The following PRKCZ variants were observed in gnomAD, a reference collection of about 807,000 sequenced individuals.
PRKCZ encodes the protein protein kinase C zeta.
PRKCZ carries 33 observed loss-of-function variants against 79.5 expected under a neutral mutation model. The ratio of observed to expected loss-of-function variants is 0.41; its 90% CI spans 0.31 to 0.55. PRKCZ has a LOEUF of 0.55. PRKCZ is among the 20% of genes least tolerant of loss of function. The pLI, the probability that PRKCZ is intolerant of heterozygous loss-of-function variation, is 0.19. For missense variants in PRKCZ, 578 were observed against 813.5 expected (o/e 0.71, Z 3.52); for synonymous variants, 342 against 320.9 (o/e 1.07, Z -0.70).
At chr1:2,077,144 T>C (rs1318608659) in intron 4 of PRKCZ, among the ~76,000 whole-genome samples, 4 of 152,166 alleles carry the variant, frequency 2.6e-5, no homozygotes, top group African/African-American at 4.8e-5. Context: ...GTCTGACGGG[T>C]GTGAGGGTGC....
rs768206691 is a variant in PRKCZ at position 2,185,029 on chromosome 1, G to T, written c.*20G>T. ...GTGTGAGGCCGCGTGCGTCTCTGTC[G>T]TGGACACGCGTGATTGACCCTTTAA... On this transcript the variant is annotated 3_prime_UTR_variant, in exon 18 of 18. Coordinates refer to ENST00000378567, the MANE Select transcript of PRKCZ (RefSeq NM_002744.6). 19 of 1,585,534 alleles carry T rather than the reference G, an allele frequency of 1.2e-5. No individual in the cohort carries two copies. In the East Asian group the frequency reaches 4.3e-4, roughly 36 times the overall value.
At chr1:2,099,823 C>T (rs768684809) in intron 4 of PRKCZ, among the ~76,000 whole-genome samples, 16 of 152,162 alleles carry the variant, frequency 1.1e-4, no homozygotes, top group Admixed American at 2.6e-4. Flanking sequence ...GTCATTAGTC[C>T]GTGTCGTGCT....
intron 4 of PRKCZ, among the ~76,000 whole-genome samples, chr1:2,076,671 G>A (rs1198608778): frequency 6.6e-6 from 1 of 151,756 alleles, no homozygotes; most frequent in East Asian, 1.9e-4. Context: ...GAATCCGGGA[G>A]GCAGAGGTCA....
chr1:2,110,840 G>T (rs758420057), intron 4 of PRKCZ, among the ~76,000 whole-genome samples: 17 of 152,074 alleles, frequency 1.1e-4, no homozygotes, highest in Non-Finnish European at 2.2e-4. Flanking sequence ...TAGAGTCCCT[G>T]TAGGGGCTGG....
chr1:2,153,205 T>G (rs778197667), intron 9 of PRKCZ, among the ~76,000 whole-genome samples: 2 of 152,284 alleles, frequency 1.3e-5, no homozygotes, highest in Non-Finnish European at 2.9e-5. Context: ...ATGTCTCTGA[T>G]GACTGACAGT....
At chr1:2,112,678 G>A (rs1326642177) in intron 4 of PRKCZ, among the ~76,000 whole-genome samples, 1 of 29,628 alleles carries the variant, frequency 3.4e-5, no homozygotes, top group African/African-American at 2.4e-4. Flanking sequence ...TTGTTTGTTT[G>A]GTTGGTTGGT....
intron 4 of PRKCZ, among the ~76,000 whole-genome samples, chr1:2,121,605 A>ATTAGGGTCATGGTGGTAG (rs1671964435): frequency 7.1e-5 from 1 of 14,082 alleles, no homozygotes; most frequent in Non-Finnish European, 1.6e-4. Context: ...CACAGCAGTA[A>ATTAGGGTCATGGTGGTAG]TTAGGGTCAT....
At chr1:2,182,226 G>GC (rs1686743090) in intron 16 of PRKCZ, 2 of 215,414 alleles carry the variant, frequency 9.3e-6, no homozygotes, top group Non-Finnish European at 1.9e-5. Flanking sequence ...GCTGTTCTTG[G>GC]CCCCCCTGGG....
intron 9 of PRKCZ, among the ~76,000 whole-genome samples, chr1:2,152,897 G>A (rs1014231217): frequency 6.6e-6 from 1 of 152,270 alleles, no homozygotes; most frequent in Non-Finnish European, 1.5e-5. Context: ...CTGCCAAGGG[G>A]CATTATAGTG....
intron 4 of PRKCZ, among the ~76,000 whole-genome samples, chr1:2,062,778 G>A (rs772997174): frequency 4.2e-4 from 63 of 151,760 alleles, no homozygotes; most frequent in Non-Finnish European, 8.7e-4. Context: ...GTGAGCCACC[G>A]AGCCTGTCCC....
chr1:2,074,291 C>A (rs1301216306), intron 4 of PRKCZ: 2 of 1,549,230 alleles, frequency 1.3e-6, no homozygotes, highest in Non-Finnish European at 1.7e-6. Flanking sequence ...TGGCCCAGGC[C>A]TGGTGGATGT....
intron 4 of PRKCZ, among the ~76,000 whole-genome samples, chr1:2,081,529 G>A (rs960570854): frequency 2.6e-5 from 4 of 152,236 alleles, no homozygotes; most frequent in Non-Finnish European, 4.4e-5. Context: ...CCGGTGTGGG[G>A]TGTGGGCCCT....
At chr1:2,144,466 C>A in intron 6 of PRKCZ, 125 bp downstream of exon 6, 1 of 1,472,888 alleles carries the variant, frequency 6.8e-7, no homozygotes, top group South Asian at 1.4e-5. Context: ...GCCGTCCTAG[C>A]TCTGGGCTGC....
At chr1:2,108,208 G>A (rs987834728) in intron 4 of PRKCZ, among the ~76,000 whole-genome samples, 2 of 152,236 alleles carry the variant, frequency 1.3e-5, no homozygotes, top group African/African-American at 2.4e-5. Context: ...CCTTCTGGGC[G>A]CTGGTCCAAG....
chr1:2,093,699 A>G (rs1354100076), intron 4 of PRKCZ, among the ~76,000 whole-genome samples: 2 of 152,082 alleles, frequency 1.3e-5, no homozygotes, highest in African/African-American at 4.8e-5. Context: ...TCTGCCCCCA[A>G]ACGTGGTGGG....
In PRKCZ at chr1:2,094,922, G is replaced by C. The variant is rs12755035; in HGVS notation, c.334+35331G>C. Among the ~76,000 whole-genome samples the C allele has an allele frequency of 7.9e-5, 12 of 152,050 alleles. No homozygotes were observed. The highest frequency in any genetic ancestry group is 7.8e-4 in the Admixed American group (12 of 15,288). On this transcript the variant is annotated intron_variant, in intron 4 of 17. Coordinates refer to ENST00000378567, the MANE Select transcript of PRKCZ (RefSeq NM_002744.6). This position sits in a 1 kb window ranked among gnomAD's most constrained non-coding sequence, Gnocchi z 7.3. ...CTGCCTATAAAAAGCCCTGCCCTGG[G>C]TTCCCTGCTCCATGCCAGTTCTCTC...
At chr1:2,163,793 G>T (rs541371241) in intron 10 of PRKCZ, among the ~76,000 whole-genome samples, 57 of 152,194 alleles carry the variant, frequency 3.7e-4, no homozygotes, top group African/African-American at 1.3e-3. Flanking sequence ...CAGCTACTTG[G>T]GAGGCTGAGG....
intron 4 of PRKCZ, among the ~76,000 whole-genome samples, chr1:2,070,229 C>T (rs1271756934): frequency 2.0e-5 from 3 of 152,054 alleles, no homozygotes; most frequent in Non-Finnish European, 2.9e-5. Flanking sequence ...CGGGACCCTG[C>T]TCCAGCCTGC....
At chr1:2,055,632 G>C in intron 2 of PRKCZ, 70 bp downstream of exon 2, 1 of 1,550,406 alleles carries the variant, frequency 6.4e-7, no homozygotes, top group East Asian at 2.3e-5. Context: ...CTCTGTGTGC[G>C]GAGTGTGCTC....
Sources: allele counts gnomAD v4.1 joint callset (sites outside exome capture counted in the v4.1 genomes callset), GRCh38; gene constraint gnomAD v4.1.1; non-coding constraint Gnocchi (gnomAD v3.1); transcripts MANE v1.5; gene names NCBI Gene and HGNC (gene_info 2026-07-23, HGNC 2026-07-21).